The following KALRN variants were observed in gnomAD, a reference collection of about 807,000 sequenced individuals.
The protein encoded by KALRN is kalirin RhoGEF kinase, also known as kalirin.
KALRN carries 70 observed loss-of-function variants against 353.7 expected under a neutral mutation model. That is an observed-to-expected ratio of 0.20 (90% CI 0.16 to 0.24). The LOEUF (loss-of-function observed/expected upper bound fraction) is 0.24. Among genes scored for constraint, KALRN ranks in the 10% least tolerant of loss-of-function variants. The probability of loss-of-function intolerance (pLI) is 1.00; values close to 1 mark genes in which losing one functional copy is unlikely to be tolerated. For missense variants in KALRN, 2,791 were observed against 3,756.7 expected, an observed-to-expected ratio of 0.74 and a Z score of 6.72; for synonymous variants, 1,391 against 1,434.8, an observed-to-expected ratio of 0.97 and a Z score of 0.69.
chr3:124,261,717 G>A (rs1464583901), intron 3 of KALRN, among the ~76,000 whole-genome samples: 1 of 152,212 alleles, frequency 6.6e-6, no homozygotes, highest in Non-Finnish European at 1.5e-5. Context: ...AGAATTCTCA[G>A]GTCAGCATAA....
intron 5 of KALRN, among the ~76,000 whole-genome samples, chr3:124,293,323 GA>G (rs1233417551): frequency 4.6e-5 from 7 of 152,138 alleles, no homozygotes; most frequent in Non-Finnish European, 1.0e-4. Context: ...AAGGTGGTTT[GA>G]AAGTTAAAAC....
chr3:124,533,157 G>A (rs1173972192), intron 33 of KALRN, among the ~76,000 whole-genome samples: 1 of 151,824 alleles, frequency 6.6e-6, no homozygotes, highest in Non-Finnish European at 1.5e-5. Flanking sequence ...GAGAGGCCAA[G>A]GTGGTAGGAT....
At chr3:124,510,800 A>G (rs2065820815) in intron 33 of KALRN, among the ~76,000 whole-genome samples, 1 of 152,036 alleles carries the variant, frequency 6.6e-6, no homozygotes. Context: ...CTACTCCTGA[A>G]TCTTCTTTCT....
intron 11 of KALRN, among the ~76,000 whole-genome samples, chr3:124,386,654 C>T (rs2088374862): frequency 6.6e-6 from 1 of 152,154 alleles, no homozygotes; most frequent in Non-Finnish European, 1.5e-5. Flanking sequence ...CCTAAGGCCC[C>T]TTATGGTTCT....
chr3:124,365,094 C>G (rs1382451006), intron 10 of KALRN, among the ~76,000 whole-genome samples: 1 of 152,170 alleles, frequency 6.6e-6, no homozygotes. Context: ...TCATTTCTTT[C>G]ATGTCCTTGG....
chr3:124,238,091 T>C (rs973123412), intron 3 of KALRN, among the ~76,000 whole-genome samples: 3 of 152,210 alleles, frequency 2.0e-5, no homozygotes, highest in Non-Finnish European at 4.4e-5. Context: ...TTCAACTCTG[T>C]AACATTCATC....
In KALRN at chr3:124,671,795, G is replaced by T. The variant is rs776273508; in HGVS notation, c.6839G>T (p.Gly2280Val). The T allele has an allele frequency of 1.9e-6, 3 of 1,614,166 alleles. No individual in the cohort carries two copies. The Admixed American group carries it at 5.0e-5, about 27-fold the overall frequency. Residue 2280 changes from glycine to valine, a missense_variant, in exon 48 of 60, where the codon GGC becomes GTC. This residue lies in a region of KALRN where 1,065 missense variants were observed against 1,156.4 expected (regional missense o/e 0.92). Transcript: ENST00000682506. ...VPAGSEKPPKGSSYNPPLPPL... is the reference protein window; with the variant it reads ...VPAGSEKPPKVSSYNPPLPPL... ...GCGGGCTCAGAGAAGCCCCCAAAGG[G>T]CTCCAGCTATAACCCACCTCTGCCT...
chr3:124,408,038 G>C (rs1014169170), intron 13 of KALRN, among the ~76,000 whole-genome samples: 1 of 152,198 alleles, frequency 6.6e-6, no homozygotes, highest in African/African-American at 2.4e-5. Context: ...CTCCCAAAGT[G>C]CTGGGATTAC....
At chr3:124,047,239 C>T (rs2040563395) in intron 1 of KALRN, among the ~76,000 whole-genome samples, 1 of 152,092 alleles carries the variant, frequency 6.6e-6, no homozygotes. Context: ...TGCCATGTGC[C>T]TAGTATTATG....
intron 1 of KALRN, among the ~76,000 whole-genome samples, chr3:124,034,430 C>T (rs1310396930): frequency 6.6e-6 from 1 of 152,176 alleles, no homozygotes; most frequent in Admixed American, 6.5e-5. Context: ...TCCCCCTTGT[C>T]CTCCTCTTCA....
At chr3:124,571,079 C>T (rs778297196) in intron 34 of KALRN, among the ~76,000 whole-genome samples, 5 of 152,158 alleles carry the variant, frequency 3.3e-5, no homozygotes, top group Non-Finnish European at 7.3e-5. Context: ...CTCCCCCGTC[C>T]GAGCCCCGAG....
chr3:124,310,849 T>C (rs2078177758), intron 6 of KALRN, among the ~76,000 whole-genome samples: 1 of 152,008 alleles, frequency 6.6e-6, no homozygotes, highest in Non-Finnish European at 1.5e-5. Context: ...GGAGAAAATA[T>C]TTGCAAATAT....
intron 10 of KALRN, among the ~76,000 whole-genome samples, chr3:124,371,626 A>G (rs1046641243): frequency 2.6e-5 from 4 of 152,144 alleles, no homozygotes; most frequent in African/African-American, 4.8e-5. Context: ...ACTTTTTGGA[A>G]TAATTTCTTT....
At chr3:124,381,311 A>T (rs1027900669) in intron 10 of KALRN, among the ~76,000 whole-genome samples, 1 of 152,174 alleles carries the variant, frequency 6.6e-6, no homozygotes, top group African/African-American at 2.4e-5. Context: ...GTTTTGGGGG[A>T]TGCAAGTAAT....
Position 124,490,885 on chromosome 3 carries a change from G to A in KALRN, c.4587+1G>A. ...ATATGTTTACAAGAACAAGCTACTG[G>A]TAGGTGGGGCAGGTGGGGTAAGACA... On this transcript the variant is annotated splice_donor_variant, in intron 30 of 59. Coordinates refer to ENST00000682506, the MANE Select transcript of KALRN (RefSeq NM_001388419.1). LOFTEE classifies it high-confidence loss of function. The A allele has an allele frequency of 6.2e-7, 1 of 1,607,298 alleles. No homozygotes were observed. Among genetic ancestry groups the A allele is most frequent in the Non-Finnish European group, 8.5e-7 (1 of 1,176,824 alleles).
chr3:124,220,246 G>T (rs1448698904), intron 1 of KALRN, among the ~76,000 whole-genome samples: 1 of 152,096 alleles, frequency 6.6e-6, no homozygotes, highest in Non-Finnish European at 1.5e-5. Context: ...ACCGGCCGGT[G>T]GTAGCTGTTT....
intron 28 of KALRN, among the ~76,000 whole-genome samples, chr3:124,486,535 T>G (rs531626937): frequency 3.3e-5 from 5 of 152,286 alleles, no homozygotes; most frequent in African/African-American, 1.2e-4. Context: ...CACTTCTTCT[T>G]TGTACACTCA....
In KALRN at chr3:124,650,870, G is replaced by A; in HGVS notation, c.5727G>A (p.Gly1909=). The change falls in exon 38 of 60, where the codon GGG becomes GGA. Residue 1909 remains glycine (G), a synonymous_variant. Transcript: ENST00000682506. ...LKDPAGCLNE[G]MAPPTPPKNP... is the part of the protein sequence containing the mutation. The stretch of plus-strand genomic sequence containing the variant: ...ACCCTGCAGGCTGCCTGAATGAGGG[G>A]ATGGCCCCACCCACACCTCCTAAAA... The A allele has an allele frequency of 1.2e-6, 2 of 1,614,182 alleles. No individual in the cohort carries two copies. Among genetic ancestry groups the A allele is most frequent in the African/African-American group, 1.3e-5 (1 of 75,062 alleles).
intron 1 of KALRN, among the ~76,000 whole-genome samples, chr3:124,175,829 CTT>C (rs1323094128): frequency 6.6e-6 from 1 of 152,248 alleles, no homozygotes; most frequent in Admixed American, 6.5e-5. Flanking sequence ...GCTGTCCTCT[CTT>C]TTAGATTTCA....
Sources: gnomAD v4.1 joint callset for allele counts (sites outside exome capture counted in the v4.1 genomes callset) on GRCh38, gnomAD v4.1.1 for gene constraint, gnomAD v4.1.1 regional missense constraint, MANE v1.5 for transcripts, NCBI Gene and HGNC (gene_info 2026-07-23, HGNC 2026-07-21) for gene names.